RIPK4: variants seen among roughly 807,000 people sequenced by gnomAD.
RIPK4 encodes receptor-interacting serine/threonine-protein kinase 4.
RIPK4 carries 17 observed loss-of-function variants against 42.9 expected under a neutral mutation model. The observed-to-expected ratio is 0.40, with a 90% CI of 0.27 to 0.59. The LOEUF (loss-of-function observed/expected upper bound fraction) is 0.59. RIPK4 is among the 20% of genes least tolerant of loss of function. The pLI, the probability that RIPK4 is intolerant of heterozygous loss-of-function variation, is 0.47. For missense variants in RIPK4, 897 were observed against 1,104.4 expected (o/e 0.81, Z 2.66); for synonymous variants, 498 against 499.1 (o/e 1.00, Z 0.03).
Position 41,751,343 on chromosome 21 carries a change from T to C in RIPK4, c.475-98A>G. 1 of 1,502,336 alleles carries C rather than the reference T, an allele frequency of 6.7e-7. No individual in the cohort carries two copies. The highest frequency in any genetic ancestry group is 9.0e-7 in the Non-Finnish European group (1 of 1,112,098). The allele number at this position is 1,502,336 out of a possible 1,614,324, so 93.1% of individuals were successfully genotyped here. On this transcript the variant is annotated intron_variant, in intron 2 of 7. Transcript: ENST00000332512. The surrounding 1 kb of genome is among the most constrained non-coding windows in gnomAD (Gnocchi z 4.5). ...CCCTTCTGCAATCTCAGAGGGTGGG[T>C]GAGAGCTTTCCAGGAGCCCCTAAGA...
chr21:41,749,889 T>TAAAAAAA, intron 3 of RIPK4, among the ~76,000 whole-genome samples: 1 of 99,386 alleles, frequency 1.0e-5, no homozygotes, highest in Non-Finnish European at 2.1e-5. Context: ...CCAAATTGAT[T>TAAAAAAA]AAAAAAAAAA....
intron 1 of RIPK4, among the ~76,000 whole-genome samples, chr21:41,758,076 A>AGAGAGAGAGAGAG (rs2061210622): frequency 1.4e-5 from 2 of 139,096 alleles, no homozygotes; most frequent in Non-Finnish European, 3.1e-5. Flanking sequence ...AGAGAGAGAG[A>AGAGAGAGAGAGAG]AAATGTAGTC....
chr21:41,764,255 C>T (rs2061229692), intron 1 of RIPK4, among the ~76,000 whole-genome samples: 1 of 152,206 alleles, frequency 6.6e-6, no homozygotes, highest in Non-Finnish European at 1.5e-5. Context: ...TGGCCAAGGG[C>T]CGGCTGAAGG....
In RIPK4 at chr21:41,756,657, T is replaced by C. The variant is rs2061204439; in HGVS notation, c.342A>G (p.Pro114=). The change falls in exon 2 of 8, where the codon CCA becomes CCG. Residue 114 remains proline, a synonymous_variant. Coordinates refer to ENST00000332512, the MANE Select transcript of RIPK4 (RefSeq NM_020639.3). ...LEKLLASEPL[P]WDLRFRIIHE... ...GGATGATTCGGAACCGGAGATCCCA[T>C]GGCAATGGCTCCGAAGCCAGCAGCT... 1.2e-6 allele frequency: 2 copies of C among 1,614,102 alleles called. No homozygotes were observed. Among genetic ancestry groups the C allele is most frequent in the East Asian group, 2.2e-5 (1 of 44,878 alleles).
chr21:41,742,269 C>G lies in RIPK4; in HGVS notation c.1196-272G>C, dbSNP rs2061157277. Reference sequence around the variant, plus strand: ...CTCCCTGTCCTGCGGGGTGGTGAGCCCCCTTGGTGCTTAGAGATGGCAGTG... The same window carrying G: ...CTCCCTGTCCTGCGGGGTGGTGAGCGCCCTTGGTGCTTAGAGATGGCAGTG... On this transcript the variant is annotated intron_variant, in intron 7 of 7. Coordinates refer to ENST00000332512, the MANE Select transcript of RIPK4 (RefSeq NM_020639.3). This position sits in a 1 kb window ranked among gnomAD's most constrained non-coding sequence, Gnocchi z 5.1. Among the ~76,000 whole-genome samples the G allele has an allele frequency of 6.6e-6, 1 of 152,188 alleles. No individual in the cohort carries two copies. The highest frequency in any genetic ancestry group is 2.4e-5 in the African/African-American group (1 of 41,446).
At chr21:41,750,066 C>T (rs552028021) in intron 3 of RIPK4, among the ~76,000 whole-genome samples, 105 of 152,298 alleles carry the variant, frequency 6.9e-4, no homozygotes, top group African/African-American at 2.5e-3. Context: ...GGATCTCAAT[C>T]TCCCCAAACT....
chr21:41,753,508 T>A (rs1000850472), intron 2 of RIPK4, among the ~76,000 whole-genome samples: 1 of 152,204 alleles, frequency 6.6e-6, no homozygotes, highest in African/African-American at 2.4e-5. Context: ...CCTCCCTCCA[T>A]GTCTCGGACT....
At position 41,740,694 on chromosome 21, in the gene RIPK4, C is replaced by G. The variant is rs1052370381; in HGVS notation, c.*144G>C. 2.4e-6 allele frequency: 2 copies of G among 831,604 alleles called. No homozygotes were observed. Among genetic ancestry groups the G allele is most frequent in the African/African-American group, 3.4e-5 (2 of 58,082 alleles). The allele number at this position is 831,604 out of a possible 1,614,324, so 51.5% of individuals were successfully genotyped here. On this transcript the variant is annotated 3_prime_UTR_variant, in exon 8 of 8. Transcript: ENST00000332512. ...GGACACTCCGGTCAGCAGCAGCCGC[C>G]TCCTGATGGCACCATGTCACCTCTG...
intron 4 of RIPK4, among the ~76,000 whole-genome samples, chr21:41,748,444 T>C (rs1229980187): frequency 6.6e-6 from 1 of 152,174 alleles, no homozygotes; most frequent in Non-Finnish European, 1.5e-5. Flanking sequence ...TAAGTCAAGG[T>C]GTGACAACTT....
At chr21:41,747,071 G>A (rs1287953319) in intron 4 of RIPK4, among the ~76,000 whole-genome samples, 1 of 152,214 alleles carries the variant, frequency 6.6e-6, no homozygotes, top group African/African-American at 2.4e-5. Flanking sequence ...CCATCCAAAG[G>A]AAGATGAGGT....
At chr21:41,766,362 C>A (rs1169089499) in intron 1 of RIPK4, among the ~76,000 whole-genome samples, 2 of 152,370 alleles carry the variant, frequency 1.3e-5, no homozygotes, top group African/African-American at 2.4e-5. Context: ...GTAAGTCGAA[C>A]GGAGGCTAAC....
chr21:41,750,948 G>T, intron 3 of RIPK4, 149 bp downstream of exon 3: 1 of 954,676 alleles, frequency 1.0e-6, no homozygotes, highest in Non-Finnish European at 1.5e-6. Flanking sequence ...GCAGTGCTGG[G>T]ATTACAGGCG....
intron 1 of RIPK4, among the ~76,000 whole-genome samples, chr21:41,760,901 T>C (rs542945049): frequency 6.6e-6 from 1 of 152,312 alleles, no homozygotes; most frequent in African/African-American, 2.4e-5. Context: ...CACGGCCTGC[T>C]TTCCTAGCGC....
chr21:41,740,866 G>A lies in RIPK4; in HGVS notation c.2327C>T (p.Ala776Val). 1.2e-6 allele frequency: 2 copies of A among 1,609,888 alleles called. No homozygotes were observed. The highest frequency in any genetic ancestry group is 1.7e-6 in the Non-Finnish European group (2 of 1,178,574). ...LKFQGGHGPAATLLRRSKT is the reference protein window; with the variant it reads ...LKFQGGHGPAVTLLRRSKT ...GGTCTTGCTTCGCCGCAGGAGCGTGGCGGCGGGGCCATGGCCGCCCTGGAA... is the reference window on the plus strand; with the variant it reads ...GGTCTTGCTTCGCCGCAGGAGCGTGACGGCGGGGCCATGGCCGCCCTGGAA... Residue 776 changes from alanine (A) to valine (V), a missense_variant, in exon 8 of 8, where the codon GCC becomes GTC. Coordinates refer to ENST00000332512, the MANE Select transcript of RIPK4 (RefSeq NM_020639.3).
At chr21:41,763,912 T>C (rs1360567446) in intron 1 of RIPK4, among the ~76,000 whole-genome samples, 1 of 151,962 alleles carries the variant, frequency 6.6e-6, no homozygotes, top group Non-Finnish European at 1.5e-5. Context: ...GGGATCACTT[T>C]ATTCTCTCCA....
chr21:41,752,559 T>C (rs901615090), intron 2 of RIPK4, among the ~76,000 whole-genome samples: 2 of 152,188 alleles, frequency 1.3e-5, no homozygotes, highest in African/African-American at 2.4e-5. Context: ...CCTTCAGGCC[T>C]GCACCGCCCT....
Position 41,743,864 on chromosome 21 carries a change from A to G in RIPK4, c.1195+18T>C. The G allele has an allele frequency of 6.4e-7, 1 of 1,570,580 alleles. No individual in the cohort carries two copies. Among genetic ancestry groups the G allele is most frequent in the Admixed American group, 1.8e-5 (1 of 55,082 alleles). On this transcript the variant is annotated intron_variant, in intron 7 of 7. Coordinates refer to ENST00000332512, the MANE Select transcript of RIPK4 (RefSeq NM_020639.3). Reference sequence around the variant, plus strand: ...CCAAGCCCAGCATCTCTCGGGACACAGAGGCGTCCCCACTCACCGCTGGTT... The same window carrying G: ...CCAAGCCCAGCATCTCTCGGGACACGGAGGCGTCCCCACTCACCGCTGGTT...
At chr21:41,748,997 T>C (rs1039260882) in intron 4 of RIPK4, among the ~76,000 whole-genome samples, 157 bp downstream of exon 4, 2 of 152,220 alleles carry the variant, frequency 1.3e-5, no homozygotes, top group South Asian at 2.1e-4. Context: ...CCCCTTCAGA[T>C]CTGTGTCTTT....
intron 1 of RIPK4, 38 bp downstream of exon 1, chr21:41,766,822 G>GGCCCCAGCC: frequency 6.3e-7 from 1 of 1,581,248 alleles, no homozygotes. Flanking sequence ...CCCCAGCCCG[G>GGCCCCAGCC]GCCCCAGCCG....
Sources: gnomAD v4.1 joint callset for allele counts (sites outside exome capture counted in the v4.1 genomes callset) on GRCh38, gnomAD v4.1.1 for gene constraint, Gnocchi (gnomAD v3.1) non-coding constraint, MANE v1.5 for transcripts, NCBI Gene and HGNC (gene_info 2026-07-23, HGNC 2026-07-21) for gene names.